PLPPR1: variants seen among roughly 807,000 people sequenced by gnomAD.
PLPPR1 encodes the protein phospholipid phosphatase related 1.
In PLPPR1, 10 loss-of-function variants were observed where a neutral mutation model predicts 33.1. The observed-to-expected ratio is 0.30, with a 90% CI of 0.19 to 0.51. PLPPR1 has a LOEUF of 0.51. PLPPR1 is among the 20% of genes least tolerant of loss of function. The pLI is 0.97. For missense variants in PLPPR1, 304 were observed against 408.1 expected, an observed-to-expected ratio of 0.74 and a Z score of 2.20; for synonymous variants, 151 against 151.0, an observed-to-expected ratio of 1.00 and a Z score of 0.00.
chr9:101,098,228 A>G (rs1343915648), intron 1 of PLPPR1, among the ~76,000 whole-genome samples: 1 of 152,152 alleles, frequency 6.6e-6, no homozygotes, highest in Non-Finnish European at 1.5e-5. Context: ...CAGTGGAAAG[A>G]GGCAGAATAA....
intron 4 of PLPPR1, 134 bp downstream of exon 4, chr9:101,286,370 T>C (rs753595956): frequency 8.5e-5 from 64 of 749,748 alleles, no homozygotes; most frequent in Non-Finnish European, 1.3e-4. Context: ...CTGATCCTAC[T>C]GCCACATCAA....
chr9:101,075,972 G>A (rs1830529792), intron 1 of PLPPR1, among the ~76,000 whole-genome samples: 1 of 152,108 alleles, frequency 6.6e-6, no homozygotes, highest in Non-Finnish European at 1.5e-5. Flanking sequence ...GAGGTGTTGA[G>A]GGTCAGAAAG....
chr9:101,076,726 T>A (rs1255997411), intron 1 of PLPPR1, among the ~76,000 whole-genome samples: 1 of 152,212 alleles, frequency 6.6e-6, no homozygotes, highest in Non-Finnish European at 1.5e-5. Flanking sequence ...ATATTAGTTG[T>A]CTATTTTACT....
At chr9:101,257,082 G>A (rs142808147) in intron 2 of PLPPR1, among the ~76,000 whole-genome samples, 1 of 152,174 alleles carries the variant, frequency 6.6e-6, no homozygotes, top group African/African-American at 2.4e-5. Context: ...GAGTTTAAAT[G>A]ACTGTATGCC....
At chr9:101,098,033 T>A (rs1435809373) in intron 1 of PLPPR1, among the ~76,000 whole-genome samples, 1 of 130,702 alleles carries the variant, frequency 7.7e-6, no homozygotes, top group Non-Finnish European at 1.8e-5. Context: ...GTGGTGCTTT[T>A]TTTCCCCCTC....
At chr9:101,248,731 T>C (rs1827659134) in intron 2 of PLPPR1, among the ~76,000 whole-genome samples, 1 of 152,114 alleles carries the variant, frequency 6.6e-6, no homozygotes, top group Non-Finnish European at 1.5e-5. Context: ...ATACCTGTTC[T>C]TATCTTATTT....
chr9:101,264,995 C>T (rs1326995156), intron 2 of PLPPR1, among the ~76,000 whole-genome samples: 1 of 152,178 alleles, frequency 6.6e-6, no homozygotes, highest in Admixed American at 6.5e-5. Context: ...TTATCTGATT[C>T]CCTGTTTCCC....
intron 1 of PLPPR1, among the ~76,000 whole-genome samples, chr9:101,029,340 C>T (rs1829911598): frequency 6.6e-6 from 1 of 152,220 alleles, no homozygotes; most frequent in African/African-American, 2.4e-5. Flanking sequence ...CCTCCCTGCT[C>T]ATAAACTTTC....
At chr9:101,029,268 G>C (rs1464389211) in intron 1 of PLPPR1, among the ~76,000 whole-genome samples, 166 bp downstream of exon 1, 5 of 152,240 alleles carry the variant, frequency 3.3e-5, no homozygotes, top group Non-Finnish European at 7.3e-5. Context: ...GCAGAGGAGA[G>C]GACGAACCCA....
chr9:101,112,266 T>C (rs533327786), intron 1 of PLPPR1, among the ~76,000 whole-genome samples: 21 of 152,290 alleles, frequency 1.4e-4, no homozygotes, highest in African/African-American at 5.1e-4. Flanking sequence ...TACATATATG[T>C]ATTTATATTT....
intron 1 of PLPPR1, among the ~76,000 whole-genome samples, chr9:101,090,199 G>A (rs1427657912): frequency 6.6e-6 from 1 of 152,096 alleles, no homozygotes; most frequent in African/African-American, 2.4e-5. Flanking sequence ...TAGTAGATTA[G>A]AACCTCTTAA....
At chr9:101,093,132 G>T (rs1460953997) in intron 1 of PLPPR1, among the ~76,000 whole-genome samples, 1 of 152,164 alleles carries the variant, frequency 6.6e-6, no homozygotes. Context: ...AAGGAGAGAG[G>T]CAAGTCACCA....
intron 5 of PLPPR1, among the ~76,000 whole-genome samples, chr9:101,311,968 AT>A (rs1828966813): frequency 6.6e-6 from 1 of 152,226 alleles, no homozygotes; most frequent in Non-Finnish European, 1.5e-5. Flanking sequence ...CCAGGGACAC[AT>A]TTGCTAACTG....
intron 1 of PLPPR1, among the ~76,000 whole-genome samples, chr9:101,153,235 AC>A (rs1831619389): frequency 6.6e-6 from 1 of 152,184 alleles, no homozygotes; most frequent in Non-Finnish European, 1.5e-5. Flanking sequence ...TGATTTTTGC[AC>A]ATTGATTTTG....
intron 2 of PLPPR1, among the ~76,000 whole-genome samples, chr9:101,213,579 G>A (rs1256265595): frequency 6.6e-6 from 1 of 152,102 alleles, no homozygotes; most frequent in Non-Finnish European, 1.5e-5. Flanking sequence ...ATTATCTGGA[G>A]CAATCATGGG....
intron 1 of PLPPR1, among the ~76,000 whole-genome samples, chr9:101,068,105 AT>A (rs1830440792): frequency 6.6e-6 from 1 of 152,142 alleles, no homozygotes; most frequent in African/African-American, 2.4e-5. Flanking sequence ...AAGGGCAATA[AT>A]TGTTATATTA....
At chr9:101,108,506 A>T (rs1277014087) in intron 1 of PLPPR1, among the ~76,000 whole-genome samples, 2 of 152,200 alleles carry the variant, frequency 1.3e-5, no homozygotes, top group Non-Finnish European at 2.9e-5. Context: ...GTCCACTTTG[A>T]GACTCTTTGT....
intron 1 of PLPPR1, among the ~76,000 whole-genome samples, chr9:101,149,277 A>G (rs1022781996): frequency 3.9e-5 from 6 of 152,358 alleles, no homozygotes; most frequent in East Asian, 1.9e-4. Context: ...CAGGTACTCT[A>G]CAGATATTTG....
At chr9:101,314,318 T>C (rs938672695) in intron 6 of PLPPR1, among the ~76,000 whole-genome samples, 1 of 152,176 alleles carries the variant, frequency 6.6e-6, no homozygotes, top group Non-Finnish European at 1.5e-5. Flanking sequence ...CCCTCCCCAA[T>C]ATGCAAAATA....
Sources: gnomAD v4.1 joint callset for allele counts (sites outside exome capture counted in the v4.1 genomes callset) on GRCh38, gnomAD v4.1.1 for gene constraint, MANE v1.5 for transcripts, NCBI Gene and HGNC (gene_info 2026-07-23, HGNC 2026-07-21) for gene names.